Variants in TFAP2D observed in about 807,000 individuals in gnomAD.
The protein encoded by TFAP2D is transcription factor AP-2-delta.
A neutral mutation model predicts 43.6 loss-of-function variants in TFAP2D; 9 were observed. That is an observed-to-expected ratio of 0.21 (90% CI 0.12 to 0.36). The LOEUF is 0.36. TFAP2D is among the 10% of genes least tolerant of loss of function. The pLI is 1.00. For missense variants in TFAP2D, 513 were observed against 561.4 expected (o/e 0.91, Z 0.87); for synonymous variants, 256 against 224.9 (o/e 1.14, Z -1.24).
intron 5 of TFAP2D, among the ~76,000 whole-genome samples, chr6:50,733,606 G>A (rs1025738184): frequency 1.3e-5 from 2 of 152,092 alleles, no homozygotes; most frequent in Non-Finnish European, 1.5e-5. Flanking sequence ...CTTGTTATAT[G>A]TTTATTATTC....
intron 2 of TFAP2D, among the ~76,000 whole-genome samples, chr6:50,717,766 C>T (rs1768651744): frequency 6.6e-6 from 1 of 152,178 alleles, no homozygotes; most frequent in African/African-American, 2.4e-5. Context: ...TTCCACTGTT[C>T]TTGCTCCAAG....
At chr6:50,716,235 A>G (rs1441409353) in intron 2 of TFAP2D, among the ~76,000 whole-genome samples, 1 of 152,172 alleles carries the variant, frequency 6.6e-6, no homozygotes, top group Non-Finnish European at 1.5e-5. Context: ...TTCTACCCCA[A>G]GGAAATAATC....
At chr6:50,722,179 G>A (rs1323280467) in intron 3 of TFAP2D, among the ~76,000 whole-genome samples, 1 of 152,168 alleles carries the variant, frequency 6.6e-6, no homozygotes, top group Non-Finnish European at 1.5e-5. Context: ...CCTCGGAGGC[G>A]CAGCTCCCTG....
chr6:50,735,137 T>A (rs1768944853), intron 5 of TFAP2D, among the ~76,000 whole-genome samples: 1 of 152,120 alleles, frequency 6.6e-6, no homozygotes. Flanking sequence ...GTGCCCAGAA[T>A]AAAGTCATTA....
At chr6:50,715,034 G>T in intron 1 of TFAP2D, 82 bp from the exon 2 acceptor site, 1 of 1,536,482 alleles carries the variant, frequency 6.5e-7, no homozygotes. Context: ...GAAAGCTCCT[G>T]GCTCCGGGAG....
chr6:50,762,183 G>A (rs966605790), intron 7 of TFAP2D, among the ~76,000 whole-genome samples: 17 of 152,158 alleles, frequency 1.1e-4, no homozygotes, highest in Admixed American at 3.9e-4. Context: ...TCATTTGTGA[G>A]CCTCAGTTTC....
rs751542249 is a variant in TFAP2D, at chr6:50,768,215, A to AT, written c.1140-4414dup. Among the ~76,000 whole-genome samples the AT allele has an allele frequency of 2.6e-3, 235 of 91,196 alleles. 1 individual carries two copies. Among genetic ancestry groups the AT allele is most frequent in the East Asian group, 0.016 (61 of 3,814 alleles). 59.8% of individuals were successfully genotyped at this position (91,196 alleles called of 152,430 possible). A position where few individuals can be genotyped will look rare whatever the true frequency, so the allele number is the denominator to read the frequency against. On this transcript the variant is annotated intron_variant, in intron 7 of 7. Coordinates refer to ENST00000008391, the MANE Select transcript of TFAP2D (RefSeq NM_172238.4). ...TTACCTTGCAGGTGACCTTAGTCTT[A>AT]TTTTTTTTTTTTTTTTCCTGTCTAG...
At chr6:50,735,998 C>T (rs1224949822) in intron 5 of TFAP2D, among the ~76,000 whole-genome samples, 2 of 152,050 alleles carry the variant, frequency 1.3e-5, no homozygotes, top group African/African-American at 4.8e-5. Flanking sequence ...CTAATATTCT[C>T]ATTGCTCTTA....
chr6:50,721,781 T>C (rs1768728587), intron 3 of TFAP2D, among the ~76,000 whole-genome samples: 4 of 152,260 alleles, frequency 2.6e-5, no homozygotes, highest in Admixed American at 2.0e-4. Flanking sequence ...GCACAATTTT[T>C]CACCATTTTC....
intron 7 of TFAP2D, among the ~76,000 whole-genome samples, chr6:50,759,694 T>C (rs1478014612): frequency 2.6e-5 from 4 of 152,060 alleles, no homozygotes; most frequent in Admixed American, 2.6e-4. Flanking sequence ...TCAAATGTTA[T>C]CACTTTCAAG....
At chr6:50,768,054 C>T (rs1184748181) in intron 7 of TFAP2D, among the ~76,000 whole-genome samples, 1 of 152,170 alleles carries the variant, frequency 6.6e-6, no homozygotes, top group East Asian at 1.9e-4. Flanking sequence ...GTGAAATGCG[C>T]TCTCATCAGT....
chr6:50,722,300 T>C (rs1768738691), intron 3 of TFAP2D, among the ~76,000 whole-genome samples: 1 of 152,204 alleles, frequency 6.6e-6, no homozygotes, highest in Non-Finnish European at 1.5e-5. Context: ...CGATAGCTTC[T>C]TTCGCCTCGG....
At chr6:50,749,198 C>A (rs928839738) in intron 6 of TFAP2D, among the ~76,000 whole-genome samples, 8 of 151,602 alleles carry the variant, frequency 5.3e-5, no homozygotes, top group Non-Finnish European at 7.4e-5. Flanking sequence ...TATAATATTA[C>A]TCCTGGTAGA....
intron 2 of TFAP2D, among the ~76,000 whole-genome samples, chr6:50,717,511 C>T (rs762702982): frequency 2.6e-5 from 4 of 152,214 alleles, no homozygotes; most frequent in Non-Finnish European, 5.9e-5. Flanking sequence ...AGCTTTTCTT[C>T]AGCCTATCTC....
At chr6:50,739,392 G>T (rs1769006720) in intron 5 of TFAP2D, among the ~76,000 whole-genome samples, 1 of 152,156 alleles carries the variant, frequency 6.6e-6, no homozygotes, top group African/African-American at 2.4e-5. Context: ...CCCTACAAAG[G>T]ACATGAACTC....
At chr6:50,752,779 A>C (rs1392496011) in intron 7 of TFAP2D, among the ~76,000 whole-genome samples, 1 of 151,894 alleles carries the variant, frequency 6.6e-6, no homozygotes, top group African/African-American at 2.4e-5. Flanking sequence ...CTGGGGGAAA[A>C]TAAAAAGCCC....
In TFAP2D at chr6:50,745,188, C is replaced by T. The variant is rs1427310322; in HGVS notation, c.965C>T (p.Ala322Val). 1.2e-6 allele frequency: 2 copies of T among 1,613,606 alleles called. No individual in the cohort carries two copies. ...FPAKAVGEHL[A>V]RQHMEQKEQT... is the part of the protein sequence containing the mutation. ...GCCAAAGCAGTAGGAGAACATCTTGCCAGACAACATATGGAACAGAAAGAA... is the reference window on the plus strand; with the variant it reads ...GCCAAAGCAGTAGGAGAACATCTTGTCAGACAACATATGGAACAGAAAGAA... The change falls in exon 6 of 8, where the codon GCC becomes GTC. Residue 322 changes from alanine (A) to valine (V), a missense_variant. By Grantham distance (64) the Ala-to-Val change is moderately conservative (BLOSUM62 0). Around this residue, in one of 3 missense-constraint regions of TFAP2D, gnomAD observed 199 missense variants for 227.9 expected, o/e 0.87. Transcript: ENST00000008391.
chr6:50,745,732 C>G (rs1023579300), intron 6 of TFAP2D, among the ~76,000 whole-genome samples: 3 of 151,928 alleles, frequency 2.0e-5, no homozygotes, highest in African/African-American at 7.3e-5. Context: ...TCCCCATCCT[C>G]TCTTGTGTAT....
At chr6:50,765,449 T>G (rs1174683911) in intron 7 of TFAP2D, among the ~76,000 whole-genome samples, 1 of 152,220 alleles carries the variant, frequency 6.6e-6, no homozygotes, top group Non-Finnish European at 1.5e-5. Context: ...CATAGTGTTT[T>G]GCATAATGGC....
Sources: gnomAD v4.1 joint callset for allele counts (sites outside exome capture counted in the v4.1 genomes callset) on GRCh38, gnomAD v4.1.1 for gene constraint, gnomAD v4.1.1 regional missense constraint, MANE v1.5 for transcripts, NCBI Gene and HGNC (gene_info 2026-07-23, HGNC 2026-07-21) for gene names.